The following C4orf36 variants were observed in gnomAD, a reference collection of about 807,000 sequenced individuals.
C4orf36 encodes chromosome 4 open reading frame 36, also known as uncharacterized protein C4orf36.
C4orf36 carries 11 observed loss-of-function variants against 12.2 expected under a neutral mutation model. The observed-to-expected ratio is 0.90, with a 90% CI of 0.57 to 1.49. The LOEUF (loss-of-function observed/expected upper bound fraction) is 1.49, where lower values mean the gene tolerates loss of function less well. Among genes scored for constraint, C4orf36 ranks in the 40% most tolerant of loss-of-function variants. C4orf36 has a pLI of 0.00. For missense variants in C4orf36, 137 were observed against 133.9 expected (o/e 1.02, Z -0.11); for synonymous variants, 54 against 51.3 (o/e 1.05, Z -0.22).
At chr4:86,887,595 A>C (rs1030286603) in intron 4 of C4orf36, 163 bp downstream of exon 4, 7 of 677,260 alleles carry the variant, frequency 1.0e-5, no homozygotes, top group African/African-American at 1.8e-5. Flanking sequence ...TCAGGGACTC[A>C]GAAGATCTGT....
At position 86,887,743 on chromosome 4, in the gene C4orf36, C is replaced by T; in HGVS notation, c.*2+15G>A. Reference sequence around the variant, plus strand: ...GGATGCAAGACACAGAGTACAGATTCAATCATGAACTGACTGTCATTTAGA... The same window carrying T: ...GGATGCAAGACACAGAGTACAGATTTAATCATGAACTGACTGTCATTTAGA... On this transcript the variant is annotated intron_variant, in intron 4 of 4. Coordinates refer to ENST00000295898, the MANE Select transcript of C4orf36 (RefSeq NM_144645.4). The T allele has an allele frequency of 6.2e-7, 1 of 1,614,074 alleles. No individual in the cohort carries two copies. The highest frequency in any genetic ancestry group is 8.5e-7 in the Non-Finnish European group (1 of 1,179,970).
At chr4:86,902,418 CAAAAAAAAAAAAAA>C in the C4orf36 span, among the ~76,000 whole-genome samples, 1 of 58,958 alleles carries the variant, frequency 1.7e-5, no homozygotes, top group Non-Finnish European at 2.8e-5. Flanking sequence ...ATGAGACTCT[CAAAAAAAAAAAAAA>C]AAAAAAAAAA....
chr4:86,911,022 G>T, the C4orf36 span, among the ~76,000 whole-genome samples: 1 of 152,188 alleles, frequency 6.6e-6, no homozygotes, highest in Non-Finnish European at 1.5e-5. Context: ...GGCAGAAGTT[G>T]TAGTGGGCCA....
the C4orf36 span, among the ~76,000 whole-genome samples, chr4:86,898,427 G>A: frequency 6.6e-6 from 1 of 152,096 alleles, no homozygotes; most frequent in East Asian, 1.9e-4. Flanking sequence ...GCCAGGTGCT[G>A]GGGCTCACAC....
intron 4 of C4orf36, among the ~76,000 whole-genome samples, chr4:86,881,528 G>C (rs1418293045): frequency 6.6e-6 from 1 of 152,080 alleles, no homozygotes; most frequent in African/African-American, 2.4e-5. Context: ...GTTCAAAGTT[G>C]AAGCGAGTAA....
chr4:86,914,681 G>A, the C4orf36 span: 22 of 356,126 alleles, frequency 6.2e-5, no homozygotes, highest in Non-Finnish European at 8.7e-5. Flanking sequence ...AATTATAGGC[G>A]TGAGCCACAG....
At position 86,876,345 on chromosome 4, in the gene C4orf36, G is replaced by A. The variant is rs1179765021; in HGVS notation, c.*101C>T. The stretch of plus-strand genomic sequence containing the variant: ...GGGGCCGGGCCAGGATGGCTGCAGC[G>A]CAGCGACGGCCGGGGCCGGGAGCGG... On this transcript the variant is annotated 3_prime_UTR_variant, in exon 5 of 5. Coordinates refer to ENST00000295898, the MANE Select transcript of C4orf36 (RefSeq NM_144645.4). 6 of 1,548,106 alleles carry A rather than the reference G, an allele frequency of 3.9e-6. No homozygotes were observed. The highest frequency in any genetic ancestry group is 2.7e-5 in the African/African-American group (2 of 72,774).
At chr4:86,897,819 G>A in the C4orf36 span, among the ~76,000 whole-genome samples, 1 of 152,166 alleles carries the variant, frequency 6.6e-6, no homozygotes, top group Non-Finnish European at 1.5e-5. Context: ...TCCCTGGCTG[G>A]TTCTCAGGCT....
chr4:86,914,868 G>A, the C4orf36 span: 63 of 392,706 alleles, frequency 1.6e-4, no homozygotes, highest in African/African-American at 1.2e-3. Context: ...GAGTCCGGAC[G>A]GGCTTGGAGT....
chr4:86,913,554 G>A, the C4orf36 span: 1 of 1,049,230 alleles, frequency 9.5e-7, no homozygotes, highest in African/African-American at 1.6e-5. Flanking sequence ...AAGAGCGTTG[G>A]GCAGCAGTCA....
chr4:86,899,994 T>G, the C4orf36 span, among the ~76,000 whole-genome samples: 1 of 151,906 alleles, frequency 6.6e-6, no homozygotes, highest in African/African-American at 2.4e-5. Flanking sequence ...TAAAAACTAG[T>G]ACTGGTCTTA....
intron 2 of C4orf36, among the ~76,000 whole-genome samples, chr4:86,889,390 T>C (rs1267113899): frequency 2.0e-5 from 3 of 151,358 alleles, no homozygotes; most frequent in African/African-American, 4.9e-5. Context: ...TTAATATCTA[T>C]CAAGAAGAGC....
chr4:86,894,212 T>A (rs1175832065), upstream of C4orf36, among the ~76,000 whole-genome samples: 2 of 152,140 alleles, frequency 1.3e-5, no homozygotes, highest in African/African-American at 4.8e-5. Flanking sequence ...CCGGAATTTT[T>A]AAAAATGAGT....
upstream of C4orf36, among the ~76,000 whole-genome samples, chr4:86,892,937 A>AG: frequency 6.6e-6 from 1 of 152,290 alleles, no homozygotes; most frequent in South Asian, 2.1e-4. Context: ...ATTTTGAGTG[A>AG]GGGTTTTGAT....
At chr4:86,916,880 C>T in the C4orf36 span, among the ~76,000 whole-genome samples, 2 of 152,144 alleles carry the variant, frequency 1.3e-5, no homozygotes, top group African/African-American at 4.8e-5. Context: ...GCTCCCCTAA[C>T]TTAAAGGCAA....
At chr4:86,877,839 G>C (rs560018477) in intron 4 of C4orf36, among the ~76,000 whole-genome samples, 126 of 152,208 alleles carry the variant, frequency 8.3e-4, no homozygotes, top group African/African-American at 3.0e-3. Flanking sequence ...TATAAAATTG[G>C]AAATCTACAT....
chr4:86,922,329 G>GA, the C4orf36 span, among the ~76,000 whole-genome samples: 4 of 152,168 alleles, frequency 2.6e-5, no homozygotes, highest in Non-Finnish European at 4.4e-5. Flanking sequence ...TATAAAAATA[G>GA]AATGTCCAAT....
At chr4:86,908,848 TC>T in the C4orf36 span, among the ~76,000 whole-genome samples, 1 of 152,090 alleles carries the variant, frequency 6.6e-6, no homozygotes, top group Admixed American at 6.6e-5. Flanking sequence ...TAACCAGCCC[TC>T]CTGGCACAGG....
chr4:86,906,010 C>T, the C4orf36 span, among the ~76,000 whole-genome samples: 3 of 152,074 alleles, frequency 2.0e-5, no homozygotes, highest in African/African-American at 7.2e-5. Context: ...CGTGAGCCAC[C>T]GCTCCTGGCC....
Sources: gnomAD v4.1 joint callset for allele counts (sites outside exome capture counted in the v4.1 genomes callset) on GRCh38, gnomAD v4.1.1 for gene constraint, MANE v1.5 for transcripts, NCBI Gene and HGNC (gene_info 2026-07-23, HGNC 2026-07-21) for gene names.